Variants in LRP1B observed in about 807,000 individuals in gnomAD.
The protein encoded by LRP1B is LDL receptor related protein 1B, also known as low-density lipoprotein receptor-related protein 1B.
A neutral mutation model predicts 556.6 loss-of-function variants in LRP1B; 217 were observed. The ratio of observed to expected loss-of-function variants is 0.39; its 90% CI spans 0.35 to 0.44. The LOEUF is 0.44. Among genes scored for constraint, LRP1B ranks in the 20% least tolerant of loss-of-function variants. LRP1B has a pLI of 1.00. For missense variants in LRP1B, 5,053 were observed against 5,620.8 expected, an observed-to-expected ratio of 0.90 and a Z score of 3.23; for synonymous variants, 2,047 against 1,865.8, an observed-to-expected ratio of 1.10 and a Z score of -2.50.
At chr2:141,418,938 T>G (rs1472744434) in intron 3 of LRP1B, among the ~76,000 whole-genome samples, 1 of 152,020 alleles carries the variant, frequency 6.6e-6, no homozygotes, top group East Asian at 1.9e-4. Flanking sequence ...TTGATTAAGT[T>G]TATTCCTAAG....
At chr2:142,089,875 T>C (rs1021698043) in intron 1 of LRP1B, among the ~76,000 whole-genome samples, 1 of 152,198 alleles carries the variant, frequency 6.6e-6, no homozygotes, top group East Asian at 1.9e-4. Context: ...AGAAGAGGGC[T>C]TTCTTGTATT....
chr2:141,624,740 G>C (rs1343116944), intron 2 of LRP1B, among the ~76,000 whole-genome samples: 1 of 151,868 alleles, frequency 6.6e-6, no homozygotes, highest in Non-Finnish European at 1.5e-5. Context: ...ACTCATGAAA[G>C]GGTTGAAATT....
intron 1 of LRP1B, among the ~76,000 whole-genome samples, chr2:142,061,618 T>C (rs1704918257): frequency 6.6e-6 from 1 of 151,946 alleles, no homozygotes; most frequent in Non-Finnish European, 1.5e-5. Context: ...TGTCTCAGGG[T>C]TCCCTGTGTG....
intron 1 of LRP1B, among the ~76,000 whole-genome samples, chr2:141,957,723 C>T (rs556381872): frequency 6.6e-6 from 1 of 151,966 alleles, no homozygotes; most frequent in East Asian, 2.0e-4. Context: ...GACAACATGG[C>T]ATTGATTTGT....
intron 5 of LRP1B, 82 bp downstream of exon 5, chr2:141,247,144 A>C: frequency 1.5e-5 from 22 of 1,496,606 alleles, no homozygotes; most frequent in Non-Finnish European, 1.9e-5. Context: ...TATTTCTGCT[A>C]TACCACATCT....
chr2:140,469,061 T>C (rs1184970050), intron 60 of LRP1B, among the ~76,000 whole-genome samples: 1 of 152,180 alleles, frequency 6.6e-6, no homozygotes, highest in African/African-American at 2.4e-5. Context: ...TTGGGGGCTA[T>C]TGAGATCAAA....
At chr2:140,553,649 G>A (rs1018551216) in intron 43 of LRP1B, among the ~76,000 whole-genome samples, 7 of 151,980 alleles carry the variant, frequency 4.6e-5, no homozygotes, top group Non-Finnish European at 8.8e-5. Flanking sequence ...GCAAGAAATA[G>A]CTAGTGTGCT....
chr2:140,932,114 C>A (rs948233937), intron 20 of LRP1B, among the ~76,000 whole-genome samples: 2 of 152,030 alleles, frequency 1.3e-5, no homozygotes, highest in Non-Finnish European at 2.9e-5. Context: ...TAAGCACATA[C>A]TTATGAGATA....
At chr2:140,932,916 C>CACACACATAT (rs766679275) in intron 20 of LRP1B, among the ~76,000 whole-genome samples, 1 of 147,520 alleles carries the variant, frequency 6.8e-6, no homozygotes, top group African/African-American at 2.5e-5. Context: ...CACACACACA[C>CACACACATAT]ATATATATGT....
chr2:141,037,717 A>T (rs1276621378), intron 11 of LRP1B, among the ~76,000 whole-genome samples: 1 of 152,006 alleles, frequency 6.6e-6, no homozygotes, highest in Non-Finnish European at 1.5e-5. Flanking sequence ...GTCCAGCTGG[A>T]TACAGGGATT....
rs763188284 is a variant in LRP1B at position 141,591,339 on chromosome 2, G to GTTT, written c.206-110809_206-110807dup. Among the ~76,000 whole-genome samples the GTTT allele has an allele frequency of 4.8e-3, 316 of 66,272 alleles. 2 individuals are homozygous for GTTT. The highest frequency in any genetic ancestry group is 0.045 in the East Asian group (52 of 1,164). 43.5% of individuals were successfully genotyped at this position (66,272 alleles called of 152,430 possible). ...TAGCAAAGACTTGGTTTTAGTACTG[G>GTTT]TTTTTTTTTGTTGTTGTTTGTTTGT... On this transcript the variant is annotated intron_variant, in intron 2 of 90. Transcript: ENST00000389484.
chr2:141,821,554 T>TGTAA (rs1696753261), intron 1 of LRP1B, among the ~76,000 whole-genome samples: 1 of 152,208 alleles, frequency 6.6e-6, no homozygotes, highest in Admixed American at 6.5e-5. Context: ...GCTAATAATT[T>TGTAA]GTAAGTAGCT....
intron 1 of LRP1B, among the ~76,000 whole-genome samples, chr2:141,944,855 A>G (rs1700908614): frequency 6.6e-6 from 1 of 152,180 alleles, no homozygotes; most frequent in African/African-American, 2.4e-5. Flanking sequence ...TAACACACAC[A>G]GGTATGTGTA....
At chr2:141,220,678 C>T (rs1483463576) in intron 6 of LRP1B, among the ~76,000 whole-genome samples, 1 of 149,100 alleles carries the variant, frequency 6.7e-6, no homozygotes, top group Non-Finnish European at 1.5e-5. Flanking sequence ...GGCCAGGTCA[C>T]CTACAAAGAG....
chr2:141,343,538 T>C (rs1688143678), intron 3 of LRP1B, among the ~76,000 whole-genome samples: 1 of 152,216 alleles, frequency 6.6e-6, no homozygotes, highest in South Asian at 2.1e-4. Flanking sequence ...GAAGCAGTTA[T>C]TTAGAAATGG....
intron 20 of LRP1B, among the ~76,000 whole-genome samples, chr2:140,928,730 G>A (rs918611251): frequency 2.0e-5 from 3 of 151,988 alleles, no homozygotes; most frequent in African/African-American, 7.2e-5. Flanking sequence ...TTGGTTATAG[G>A]AAAAATATTA....
At chr2:141,785,365 G>A (rs527700616) in intron 2 of LRP1B, among the ~76,000 whole-genome samples, 43 of 152,004 alleles carry the variant, frequency 2.8e-4, no homozygotes, top group African/African-American at 1.0e-3. Flanking sequence ...TGCATATCCT[G>A]GCTGACACAT....
intron 83 of LRP1B, among the ~76,000 whole-genome samples, chr2:140,307,409 T>C (rs1290848335): frequency 6.6e-6 from 1 of 151,868 alleles, no homozygotes; most frequent in Non-Finnish European, 1.5e-5. Flanking sequence ...TATCTATGCT[T>C]AGGCTATTAA....
At chr2:140,553,921 T>C (rs1400828447) in intron 43 of LRP1B, among the ~76,000 whole-genome samples, 1 of 152,016 alleles carries the variant, frequency 6.6e-6, no homozygotes, top group African/African-American at 2.4e-5. Context: ...AGACCCTTTC[T>C]AATCTATTTA....
Sources: gnomAD v4.1 joint callset for allele counts (sites outside exome capture counted in the v4.1 genomes callset) on GRCh38, gnomAD v4.1.1 for gene constraint, MANE v1.5 for transcripts, NCBI Gene and HGNC (gene_info 2026-07-23, HGNC 2026-07-21) for gene names.